Variants in INPP4B observed in about 807,000 individuals in gnomAD.
INPP4B encodes inositol polyphosphate-4-phosphatase type II B, also known as inositol polyphosphate 4-phosphatase type II.
Under a neutral mutation model 122.5 loss-of-function variants are expected in INPP4B, and 55 were observed. That is an observed-to-expected ratio of 0.45 (90% CI 0.36 to 0.56). INPP4B has a LOEUF of 0.56. INPP4B is among the 20% of genes least tolerant of loss of function. The pLI is 0.00. For missense variants in INPP4B, 1,000 were observed against 1,097.7 expected, an observed-to-expected ratio of 0.91 and a Z score of 1.26; for synonymous variants, 403 against 388.7, an observed-to-expected ratio of 1.04 and a Z score of -0.43.
chr4:142,732,290 T>C (rs1182663322), intron 1 of INPP4B, among the ~76,000 whole-genome samples: 1 of 152,142 alleles, frequency 6.6e-6, no homozygotes, highest in Non-Finnish European at 1.5e-5. Context: ...CACTCTCATC[T>C]ATAATCCAGC....
intron 21 of INPP4B, among the ~76,000 whole-genome samples, chr4:142,117,289 G>A (rs143185542): frequency 0.054 from 8,218 of 152,062 alleles, 350 homozygotes; most frequent in Non-Finnish European, 0.079. Context: ...GAAAAAAAAC[G>A]AATCCTCCCT....
intron 23 of INPP4B, among the ~76,000 whole-genome samples, chr4:142,095,168 A>G (rs1310761111): frequency 1.3e-5 from 2 of 152,188 alleles, no homozygotes; most frequent in Non-Finnish European, 2.9e-5. Context: ...GCCTCTAAGG[A>G]GAGTTTCACT....
At chr4:142,451,406 C>A (rs1263932088) in intron 3 of INPP4B, among the ~76,000 whole-genome samples, 4 of 151,692 alleles carry the variant, frequency 2.6e-5, no homozygotes, top group Non-Finnish European at 5.9e-5. Context: ...CACACCACCA[C>A]GCCTGGCTAA....
At chr4:142,592,432 A>C (rs1192438690) in intron 2 of INPP4B, among the ~76,000 whole-genome samples, 1 of 152,196 alleles carries the variant, frequency 6.6e-6, no homozygotes, top group African/African-American at 2.4e-5. Flanking sequence ...GATACTTTCA[A>C]ATAAAAAACT....
intron 24 of INPP4B, among the ~76,000 whole-genome samples, chr4:142,084,147 C>T (rs995501236): frequency 5.9e-5 from 9 of 152,092 alleles, no homozygotes; most frequent in Non-Finnish European, 1.3e-4. Flanking sequence ...ATTTTTGAGA[C>T]GGAGTCTCAC....
At position 142,220,350 on chromosome 4, in the gene INPP4B, C is replaced by T. The variant is rs776149793; in HGVS notation, c.837-11324G>A. ...TTTCTTTGAATATGCATTGGACAGA[C>T]AGTCTTGGCTATAGCAACTGCTGGA... On this transcript the variant is annotated intron_variant, in intron 12 of 25. Coordinates refer to ENST00000262992, the MANE Select transcript of INPP4B (RefSeq NM_001101669.3). 2.0e-5 allele frequency among the ~76,000 whole-genome samples: 3 copies of T among 152,200 alleles called. No homozygotes were observed. In the South Asian group the frequency reaches 6.2e-4, roughly 31 times the overall value.
chr4:142,758,024 T>G (rs1770754153), intron 1 of INPP4B, among the ~76,000 whole-genome samples: 1 of 152,208 alleles, frequency 6.6e-6, no homozygotes, highest in African/African-American at 2.4e-5. Context: ...GTGACACTGG[T>G]CTAGATTCTA....
chr4:142,728,735 A>AGCAGATT (rs1765668727), intron 1 of INPP4B, among the ~76,000 whole-genome samples: 1 of 152,178 alleles, frequency 6.6e-6, no homozygotes, highest in African/African-American at 2.4e-5. Flanking sequence ...AAAGGCATCA[A>AGCAGATT]GCAGATTCTT....
At chr4:142,625,159 G>C (rs1462518743) in intron 2 of INPP4B, among the ~76,000 whole-genome samples, 2 of 151,100 alleles carry the variant, frequency 1.3e-5, no homozygotes, top group Admixed American at 6.6e-5. Context: ...AGGAAATAAA[G>C]GGTATTCAAT....
In INPP4B at chr4:142,424,338, T is replaced by C. The variant is rs1421303422; in HGVS notation, c.136+4835A>G. ...AAGAAGTAGAATTTTACTTAAGATA[T>C]GCCATTTTTCTTCTTCAGTGCATTC... On this transcript the variant is annotated intron_variant, in intron 5 of 25. Transcript: ENST00000262992. Among the ~76,000 whole-genome samples, 4 of 152,032 alleles carry C rather than the reference T, an allele frequency of 2.6e-5. No homozygotes were observed. The South Asian group carries it at 8.3e-4, about 31-fold the overall frequency.
chr4:142,813,050 A>C (rs868386439), intron 1 of INPP4B, among the ~76,000 whole-genome samples: 13 of 152,132 alleles, frequency 8.5e-5, no homozygotes, highest in Admixed American at 4.6e-4. Context: ...ACTCCTAAAA[A>C]TGTTGAACAC....
At chr4:142,782,936 G>T (rs1295026972) in intron 1 of INPP4B, among the ~76,000 whole-genome samples, 1 of 152,100 alleles carries the variant, frequency 6.6e-6, no homozygotes, top group Non-Finnish European at 1.5e-5. Context: ...TTTAATAAAT[G>T]GTGCTGGGAA....
intron 2 of INPP4B, among the ~76,000 whole-genome samples, chr4:142,587,130 T>C (rs1736387060): frequency 6.6e-6 from 1 of 152,184 alleles, no homozygotes; most frequent in Admixed American, 6.5e-5. Flanking sequence ...ATGAAATAAC[T>C]GATTTTTTAA....
At chr4:142,830,760 C>A (rs1295099388) in intron 1 of INPP4B, among the ~76,000 whole-genome samples, 1 of 150,758 alleles carries the variant, frequency 6.6e-6, no homozygotes, top group African/African-American at 2.4e-5. Flanking sequence ...ATGCTTGTAA[C>A]CCCAGCACTT....
intron 2 of INPP4B, among the ~76,000 whole-genome samples, chr4:142,513,420 T>C (rs1424647027): frequency 3.3e-5 from 5 of 152,000 alleles, no homozygotes; most frequent in African/African-American, 9.7e-5. Flanking sequence ...TCTCTTTTTT[T>C]TTTTGAGACG....
intron 1 of INPP4B, among the ~76,000 whole-genome samples, chr4:142,737,033 C>T (rs202008231): frequency 0.028 from 4,186 of 152,110 alleles, 80 homozygotes; most frequent in Middle Eastern, 0.095. Context: ...ATGGCCATAC[C>T]GCCCAAGGTA....
intron 2 of INPP4B, among the ~76,000 whole-genome samples, chr4:142,544,138 T>C (rs1424036920): frequency 6.6e-6 from 1 of 151,012 alleles, no homozygotes; most frequent in East Asian, 2.0e-4. Flanking sequence ...GTGGTGTGTG[T>C]GTGTGTGTGT....
rs76603500 is a variant in INPP4B, at chr4:142,763,071, C to T, written c.-253-37170G>A. Among the ~76,000 whole-genome samples, 1,301 of 152,236 alleles carry T rather than the reference C, an allele frequency of 8.5e-3. 26 individuals are homozygous for T. The highest frequency in any genetic ancestry group is 0.03 in the African/African-American group (1,239 of 41,538). On this transcript the variant is annotated intron_variant, in intron 1 of 25. Transcript: ENST00000262992. ...GTCCCAGAACTGTGAGAAATAAATT[C>T]CTTTTATTTACAAATAACCCAGCAT... is the stretch of plus-strand genomic sequence containing the variant.
At chr4:142,114,245 G>A (rs547480524) in intron 21 of INPP4B, among the ~76,000 whole-genome samples, 13 of 152,058 alleles carry the variant, frequency 8.5e-5, no homozygotes, top group East Asian at 5.8e-4. Context: ...ATGATTCGGC[G>A]TATTATTAAT....
Sources: allele counts gnomAD v4.1 joint callset (sites outside exome capture counted in the v4.1 genomes callset), GRCh38; gene constraint gnomAD v4.1.1; transcripts MANE v1.5; gene names NCBI Gene and HGNC (gene_info 2026-07-23, HGNC 2026-07-21).